RGS6: variants seen among roughly 807,000 people sequenced by gnomAD.
RGS6 encodes regulator of G-protein signaling 6.
A neutral mutation model predicts 78.5 loss-of-function variants in RGS6; 30 were observed. That is an observed-to-expected ratio of 0.38 (90% CI 0.29 to 0.52). The LOEUF (loss-of-function observed/expected upper bound fraction) is 0.52. Among genes scored for constraint, RGS6 ranks in the 20% least tolerant of loss-of-function variants. RGS6 has a pLI of 0.85. For synonymous variants in RGS6, 206 were observed against 206.0 expected, an observed-to-expected ratio of 1.00 and a Z score of 0.00; for missense variants, 495 against 609.7, an observed-to-expected ratio of 0.81 and a Z score of 1.98.
At chr14:72,568,624 A>T (rs1026861970), downstream of RGS6, among the ~76,000 whole-genome samples, 2 of 152,216 alleles carry the variant, frequency 1.3e-5, no homozygotes, top group Non-Finnish European at 2.9e-5. Context: ...GAAACAGCAG[A>T]GTGGCGGGCC....
intron 6 of RGS6, among the ~76,000 whole-genome samples, chr14:72,464,381 C>A (rs2095850455): frequency 1.3e-5 from 2 of 152,174 alleles, no homozygotes; most frequent in Admixed American, 1.3e-4. Context: ...GATTTGGGAA[C>A]AACCACAACT....
intron 2 of RGS6, among the ~76,000 whole-genome samples, chr14:72,297,669 A>G (rs889220159): frequency 1.4e-5 from 2 of 142,120 alleles, no homozygotes; most frequent in Non-Finnish European, 3.0e-5. Context: ...GTGAGAATAT[A>G]CGGTGTTTGG....
chr14:72,178,267 C>G (rs1043104286), intron 2 of RGS6, among the ~76,000 whole-genome samples: 1 of 152,252 alleles, frequency 6.6e-6, no homozygotes, highest in Non-Finnish European at 1.5e-5. Flanking sequence ...GGCCACCCAG[C>G]CCCTGCCCTA....
the RGS6 span, among the ~76,000 whole-genome samples, chr14:72,618,463 C>T: frequency 6.6e-6 from 1 of 152,276 alleles, no homozygotes; most frequent in Non-Finnish European, 1.5e-5. Flanking sequence ...GAGGCTTGAC[C>T]GTCTTCCTCT....
At chr14:72,031,305 A>G (rs892608172) in intron 2 of RGS6, among the ~76,000 whole-genome samples, 1 of 152,174 alleles carries the variant, frequency 6.6e-6, no homozygotes, top group African/African-American at 2.4e-5. Context: ...CTGCATGTCC[A>G]TGGAAAGATA....
intron 8 of RGS6, among the ~76,000 whole-genome samples, chr14:72,472,369 G>C (rs1341465379): frequency 6.6e-6 from 1 of 152,136 alleles, no homozygotes; most frequent in Non-Finnish European, 1.5e-5. Flanking sequence ...GATGGTGTAA[G>C]TGACTTATAA....
the RGS6 span, among the ~76,000 whole-genome samples, chr14:72,588,635 TC>T: frequency 2.0e-5 from 3 of 152,208 alleles, no homozygotes; most frequent in Non-Finnish European, 4.4e-5. Flanking sequence ...GAGGTTGCTA[TC>T]AAAACTTGCT....
chr14:72,546,344 A>G (rs1173031592), intron 17 of RGS6, among the ~76,000 whole-genome samples: 1 of 152,268 alleles, frequency 6.6e-6, no homozygotes, highest in Admixed American at 6.5e-5. Flanking sequence ...ATGTAAAACA[A>G]CAGACTCAGT....
intron 3 of RGS6, among the ~76,000 whole-genome samples, chr14:72,372,334 A>G (rs1004738204): frequency 5.3e-5 from 8 of 152,218 alleles, no homozygotes; most frequent in African/African-American, 1.9e-4. Context: ...AGGAAATTTG[A>G]AGTCATTTTT....
intron 2 of RGS6, among the ~76,000 whole-genome samples, chr14:72,350,901 C>G (rs1023236441): frequency 6.6e-6 from 1 of 152,100 alleles, no homozygotes; most frequent in African/African-American, 2.4e-5. Context: ...GTACCTAGCA[C>G]ATAATAAATT....
At chr14:72,353,398 G>A (rs1343305525) in intron 3 of RGS6, among the ~76,000 whole-genome samples, 1 of 152,130 alleles carries the variant, frequency 6.6e-6, no homozygotes, top group Non-Finnish European at 1.5e-5. Flanking sequence ...AAAAACCAGG[G>A]AACTATTGAT....
chr14:72,385,905 A>G (rs113782557), intron 3 of RGS6, among the ~76,000 whole-genome samples: 4 of 152,336 alleles, frequency 2.6e-5, no homozygotes, highest in African/African-American at 9.6e-5. Context: ...CGAGGGTGGA[A>G]GAAAGCTAAT....
At chr14:72,487,636 GC>G (rs1566963780) in intron 12 of RGS6, among the ~76,000 whole-genome samples, 3 of 152,156 alleles carry the variant, frequency 2.0e-5, no homozygotes, top group Non-Finnish European at 4.4e-5. Context: ...ATGGAAGGGG[GC>G]CACGAGCCAA....
intron 2 of RGS6, among the ~76,000 whole-genome samples, chr14:72,140,951 C>T (rs370373238): frequency 2.0e-5 from 3 of 152,284 alleles, no homozygotes; most frequent in Admixed American, 6.5e-5. Flanking sequence ...CAACTCTTAC[C>T]GTGTAAATGT....
chr14:72,411,365 T>G (rs2093400053), intron 3 of RGS6, among the ~76,000 whole-genome samples: 1 of 152,178 alleles, frequency 6.6e-6, no homozygotes, highest in Non-Finnish European at 1.5e-5. Context: ...GATTTGGCTG[T>G]TTGTCTGTTA....
At chr14:72,024,877 G>A (rs2089514246) in intron 2 of RGS6, among the ~76,000 whole-genome samples, 1 of 152,166 alleles carries the variant, frequency 6.6e-6, no homozygotes, top group Non-Finnish European at 1.5e-5. Flanking sequence ...GGAATGTGAA[G>A]CAATGTCCTA....
intron 14 of RGS6, among the ~76,000 whole-genome samples, chr14:72,515,002 C>T (rs572973840): frequency 3.3e-5 from 5 of 152,306 alleles, no homozygotes; most frequent in African/African-American, 1.2e-4. Context: ...TAACCAAAGC[C>T]TGTTCTGAAT....
rs56397216 is a variant in RGS6, at chr14:72,116,963, C to CAA, written c.84+152111_84+152112dup. ...TGGGTGATAAAGCGAGACTCCATCT[C>CAA]AAAAAAAAAAAAAAAAAAAAAAAAG... On this transcript the variant is annotated intron_variant, in intron 2 of 17. Transcript: ENST00000553525. Among the ~76,000 whole-genome samples the CAA allele has an allele frequency of 3.1e-3, 245 of 78,010 alleles. 3 individuals carry two copies. Among genetic ancestry groups the CAA allele is most frequent in the East Asian group, 4.6e-3 (11 of 2,368 alleles). The allele number at this position is 78,010 out of a possible 152,430, so 51.2% of individuals were successfully genotyped here.
intron 2 of RGS6, among the ~76,000 whole-genome samples, chr14:72,322,217 A>G (rs2152520247): frequency 6.6e-6 from 1 of 152,158 alleles, no homozygotes; most frequent in East Asian, 1.9e-4. Context: ...TATGATAATA[A>G]AAGCAGAAAA....
Sources: allele counts gnomAD v4.1 joint callset (sites outside exome capture counted in the v4.1 genomes callset), GRCh38; gene constraint gnomAD v4.1.1; transcripts MANE v1.5; gene names NCBI Gene and HGNC (gene_info 2026-07-23, HGNC 2026-07-21).